RSPO2: variants seen among roughly 807,000 people sequenced by gnomAD.
The protein encoded by RSPO2 is R-spondin 2, also known as R-spondin-2.
In RSPO2, 14 loss-of-function variants were observed where a neutral mutation model predicts 30.9. The ratio of observed to expected loss-of-function variants is 0.45; its 90% CI spans 0.30 to 0.71. The LOEUF (loss-of-function observed/expected upper bound fraction) is 0.71, where lower values mean the gene tolerates loss of function less well. Ranked by LOEUF, RSPO2 falls within the 30% of genes least tolerant of loss-of-function variation. The pLI, the probability that RSPO2 is intolerant of heterozygous loss-of-function variation, is 0.08. For synonymous variants in RSPO2, 107 were observed against 96.4 expected, an observed-to-expected ratio of 1.11 and a Z score of -0.64; for missense variants, 264 against 301.9, an observed-to-expected ratio of 0.87 and a Z score of 0.93.
intron 5 of RSPO2, among the ~76,000 whole-genome samples, chr8:107,922,729 G>T (rs914591434): frequency 2.0e-5 from 3 of 152,006 alleles, no homozygotes; most frequent in African/African-American, 7.3e-5. Context: ...AAACAACATG[G>T]TACTGGTACA....
At chr8:107,974,323 C>CAAA (rs747026899) in intron 3 of RSPO2, among the ~76,000 whole-genome samples, 3 of 83,556 alleles carry the variant, frequency 3.6e-5, no homozygotes, top group African/African-American at 1.0e-4. Context: ...TTCATCTCTA[C>CAAA]AAAAAAAAAA....
intron 3 of RSPO2, among the ~76,000 whole-genome samples, chr8:107,985,190 A>G (rs1196060064): frequency 1.3e-5 from 2 of 152,184 alleles, no homozygotes. Flanking sequence ...GATGCAAGTG[A>G]AAATGACCAC....
At chr8:107,948,850 A>C (rs1408886627) in intron 5 of RSPO2, among the ~76,000 whole-genome samples, 1 of 128,308 alleles carries the variant, frequency 7.8e-6, no homozygotes, top group Non-Finnish European at 1.7e-5. Context: ...ACAGAGCAAG[A>C]CTCCATCTCA....
At chr8:107,922,688 T>C (rs1203699904) in intron 5 of RSPO2, among the ~76,000 whole-genome samples, 1 of 152,116 alleles carries the variant, frequency 6.6e-6, no homozygotes, top group Non-Finnish European at 1.5e-5. Flanking sequence ...CTACCTGACT[T>C]CAAACTACAT....
Position 108,082,660 on chromosome 8 carries a change from A to G in RSPO2, c.-22T>C. On this transcript the variant is annotated 5_prime_UTR_variant, in exon 2 of 6. Coordinates refer to ENST00000276659, the MANE Select transcript of RSPO2 (RefSeq NM_178565.5). ...GCATCTGGGCGGTCGGGCGGGGGAGAGACGCCTCTCAAAGTCTAGGAACTG... is the reference window on the plus strand; with the variant it reads ...GCATCTGGGCGGTCGGGCGGGGGAGGGACGCCTCTCAAAGTCTAGGAACTG... 1.3e-6 allele frequency: 2 copies of G among 1,597,572 alleles called. No individual in the cohort carries two copies. The highest frequency in any genetic ancestry group is 1.7e-6 in the Non-Finnish European group (2 of 1,165,328).
In RSPO2 at chr8:107,899,480, C is replaced by CCCTAAAGTTGTATACAACATT. The variant is rs1554624981; in HGVS notation, c.*1574_*1594dup. 5 of 152,438 alleles carry CCCTAAAGTTGTATACAACATT rather than the reference C, an allele frequency of 3.3e-5. No individual in the cohort carries two copies. The highest frequency in any genetic ancestry group is 7.4e-5 in the Non-Finnish European group (5 of 68,016). 9.4% of individuals were successfully genotyped at this position (152,438 alleles called of 1,614,324 possible). ...GTAACACTTCAGGATTAAATGTAAA[C>CCCTAAAGTTGTATACAACATT]CCTAAAGTTGTATACAACATTCATA... On this transcript the variant is annotated 3_prime_UTR_variant, in exon 6 of 6. Transcript: ENST00000276659.
chr8:107,905,255 GTC>G (rs1266854300), intron 5 of RSPO2, among the ~76,000 whole-genome samples: 1 of 152,062 alleles, frequency 6.6e-6, no homozygotes, highest in Non-Finnish European at 1.5e-5. Flanking sequence ...CACCGAGGCT[GTC>G]TAGAGTTTCC....
intron 2 of RSPO2, among the ~76,000 whole-genome samples, chr8:107,995,284 C>A (rs916897572): frequency 6.6e-6 from 1 of 152,038 alleles, no homozygotes; most frequent in African/African-American, 2.4e-5. Context: ...TGTTGGGGGG[C>A]AGAGCTAGGG....
chr8:107,958,579 T>C (rs1361339080), intron 4 of RSPO2, among the ~76,000 whole-genome samples: 3 of 152,190 alleles, frequency 2.0e-5, no homozygotes, highest in African/African-American at 7.2e-5. Context: ...GTGCAGGATG[T>C]GCAGGTTTGT....
intron 5 of RSPO2, among the ~76,000 whole-genome samples, chr8:107,955,152 C>T (rs1446943668): frequency 5.9e-5 from 9 of 152,256 alleles, no homozygotes; most frequent in South Asian, 2.1e-4. Flanking sequence ...TGTGAAACTA[C>T]ACTCCTGGCC....
chr8:107,965,982 T>A (rs1476327481), intron 3 of RSPO2, among the ~76,000 whole-genome samples: 4 of 151,946 alleles, frequency 2.6e-5, no homozygotes, highest in Non-Finnish European at 5.9e-5. Context: ...AGAAGCAGAG[T>A]CCTGGCAAGG....
At chr8:108,012,551 A>T (rs1201146215) in intron 2 of RSPO2, among the ~76,000 whole-genome samples, 2 of 152,250 alleles carry the variant, frequency 1.3e-5, no homozygotes, top group East Asian at 3.8e-4. Context: ...GGAATTTCAA[A>T]TATCTTTCTA....
At chr8:107,956,415 T>C (rs904015187) in intron 5 of RSPO2, among the ~76,000 whole-genome samples, 1 of 152,222 alleles carries the variant, frequency 6.6e-6, no homozygotes, top group Non-Finnish European at 1.5e-5. Flanking sequence ...TAGCAGATGA[T>C]ACATAAGCAT....
chr8:108,075,676 C>T (rs1812987761), intron 2 of RSPO2, among the ~76,000 whole-genome samples: 1 of 133,188 alleles, frequency 7.5e-6, no homozygotes, highest in Non-Finnish European at 1.6e-5. Context: ...GCTTTTATAC[C>T]TGTTTTTTTT....
At chr8:107,951,446 A>G (rs1326417678) in intron 5 of RSPO2, among the ~76,000 whole-genome samples, 2 of 152,132 alleles carry the variant, frequency 1.3e-5, no homozygotes, top group African/African-American at 2.4e-5. Flanking sequence ...ACGGAGGGGG[A>G]AAAATATCTA....
chr8:108,029,220 T>G (rs191284562), intron 2 of RSPO2, among the ~76,000 whole-genome samples: 2 of 151,952 alleles, frequency 1.3e-5, no homozygotes, highest in African/African-American at 4.8e-5. Context: ...CTTTACATAT[T>G]GTTTGTGTCT....
intron 2 of RSPO2, among the ~76,000 whole-genome samples, chr8:108,071,325 T>C (rs1209507942): frequency 2.0e-5 from 3 of 152,334 alleles, no homozygotes; most frequent in East Asian, 1.9e-4. Flanking sequence ...TCAAGAATCA[T>C]ATCAGCCACT....
chr8:108,080,982 A>G (rs1813176255), intron 2 of RSPO2, among the ~76,000 whole-genome samples: 1 of 152,230 alleles, frequency 6.6e-6, no homozygotes, highest in Non-Finnish European at 1.5e-5. Context: ...AGAGGAGATA[A>G]AAAGGGACTT....
chr8:107,946,417 G>GT (rs1290760100), intron 5 of RSPO2, among the ~76,000 whole-genome samples: 1 of 152,162 alleles, frequency 6.6e-6, no homozygotes, highest in Non-Finnish European at 1.5e-5. Context: ...GAGAAATGAG[G>GT]TTTTGCAAAG....
Sources: allele counts gnomAD v4.1 joint callset (sites outside exome capture counted in the v4.1 genomes callset), GRCh38; gene constraint gnomAD v4.1.1; transcripts MANE v1.5; gene names NCBI Gene and HGNC (gene_info 2026-07-23, HGNC 2026-07-21).